The following ADAMTSL1 variants were observed in gnomAD, a reference collection of about 807,000 sequenced individuals.
The protein encoded by ADAMTSL1 is ADAMTS like 1, also known as ADAMTS-like protein 1.
In ADAMTSL1, 126 loss-of-function variants were observed where a neutral mutation model predicts 201.8. The observed-to-expected ratio is 0.62, with a 90% CI of 0.54 to 0.72. The LOEUF (loss-of-function observed/expected upper bound fraction) is 0.72. Ranked by LOEUF, ADAMTSL1 falls within the 30% of genes least tolerant of loss-of-function variation. The pLI is 0.00. For missense variants in ADAMTSL1, 2,679 were observed against 2,277.8 expected (o/e 1.18, Z -3.59); for synonymous variants, 1,121 against 903.4 (o/e 1.24, Z -4.32).
intron 7 of ADAMTSL1, among the ~76,000 whole-genome samples, chr9:18,647,066 A>C (rs916829373): frequency 1.2e-4 from 19 of 152,178 alleles, no homozygotes; most frequent in Non-Finnish European, 2.2e-4. Context: ...ACAATTTCAG[A>C]TCCTGTTATT....
At chr9:18,223,790 G>T (rs988062786) in intron 2 of ADAMTSL1, among the ~76,000 whole-genome samples, 19 of 151,656 alleles carry the variant, frequency 1.3e-4, no homozygotes, top group African/African-American at 4.4e-4. Context: ...ATGGTAGCTT[G>T]TTTCTTTATG....
At chr9:18,192,159 T>C (rs987992627) in intron 2 of ADAMTSL1, among the ~76,000 whole-genome samples, 7 of 152,192 alleles carry the variant, frequency 4.6e-5, no homozygotes, top group Non-Finnish European at 7.3e-5. Context: ...GTTGCTGACC[T>C]TTCTACTCTT....
At chr9:18,116,946 C>T (rs1425534480) in intron 1 of ADAMTSL1, among the ~76,000 whole-genome samples, 1 of 152,150 alleles carries the variant, frequency 6.6e-6, no homozygotes, top group Non-Finnish European at 1.5e-5. Flanking sequence ...CTACCTGTGG[C>T]ATTCTCTGTC....
chr9:18,045,265 C>T (rs540242188), intron 1 of ADAMTSL1, among the ~76,000 whole-genome samples: 1 of 152,100 alleles, frequency 6.6e-6, no homozygotes. Flanking sequence ...TTGAGAATCA[C>T]AAGATTTCTT....
In ADAMTSL1 at chr9:18,777,675, C is replaced by A. The variant is rs1434562880; in HGVS notation, c.3446C>A (p.Ser1149Tyr). 3 of 1,613,570 alleles carry A rather than the reference C, an allele frequency of 1.9e-6. No individual in the cohort carries two copies. Among genetic ancestry groups the A allele is most frequent in the Non-Finnish European group, 1.7e-6 (2 of 1,179,778 alleles). The change falls in exon 19 of 29, where the codon TCC becomes TAC. Residue 1149 changes from serine to tyrosine, a missense_variant. By Grantham distance (144) the Ser-to-Tyr change is moderately radical (BLOSUM62 -2). Coordinates refer to ENST00000380548, the MANE Select transcript of ADAMTSL1 (RefSeq NM_001040272.6). ...SGFSSSLRTS[S>Y]TGDAGGGSRR... is the part of the protein sequence containing the mutation. ...TTCAGCAGCTCCCTGCGGACCTCCT[C>A]CACCGGGGACGCCGGGGGAGGCTCT...
chr9:18,633,115 T>C (rs1826880258), intron 5 of ADAMTSL1, among the ~76,000 whole-genome samples: 1 of 152,182 alleles, frequency 6.6e-6, no homozygotes, highest in Non-Finnish European at 1.5e-5. Context: ...TGTGTGTGGG[T>C]CAGAAGACTG....
At chr9:18,464,362 A>T (rs1587288037) in intron 2 of ADAMTSL1, among the ~76,000 whole-genome samples, 2 of 152,374 alleles carry the variant, frequency 1.3e-5, no homozygotes, top group African/African-American at 4.8e-5. Context: ...AAAAACCTGT[A>T]CAAATGAAAT....
intron 1 of ADAMTSL1, among the ~76,000 whole-genome samples, chr9:17,943,948 A>T (rs2131354373): frequency 6.6e-6 from 1 of 152,074 alleles, no homozygotes; most frequent in East Asian, 1.9e-4. Flanking sequence ...GAGAGAGGGA[A>T]TAGGGAGAGA....
upstream of ADAMTSL1, among the ~76,000 whole-genome samples, chr9:18,469,591 C>A (rs142294907): frequency 2.0e-5 from 3 of 152,366 alleles, no homozygotes; most frequent in East Asian, 5.8e-4. Flanking sequence ...AAGTCATCTG[C>A]TGCTGAATGG....
chr9:18,907,138 G>C (rs1012106535), intron 28 of ADAMTSL1: 2 of 549,456 alleles, frequency 3.6e-6, no homozygotes, highest in Non-Finnish European at 6.4e-6. Flanking sequence ...CTCCATCCTG[G>C]CCCTGAGAGA....
At chr9:18,890,111 A>G (rs936977166) in intron 25 of ADAMTSL1, among the ~76,000 whole-genome samples, 80 of 152,142 alleles carry the variant, frequency 5.3e-4, no homozygotes, top group African/African-American at 1.9e-3. Flanking sequence ...TGTCTTTTCA[A>G]TCGAAGGGCT....
At chr9:18,297,555 A>G (rs1833522317) in intron 2 of ADAMTSL1, among the ~76,000 whole-genome samples, 1 of 152,172 alleles carries the variant, frequency 6.6e-6, no homozygotes, top group Admixed American at 6.5e-5. Flanking sequence ...GGTCAAATTC[A>G]AAAGGAATAT....
Position 18,182,535 on chromosome 9 carries a change from G to A in ADAMTSL1, c.207+18554G>A, listed in dbSNP as rs1037957009. ...TGTCTTGTGGCTCTGTTTATATAAG[G>A]AGAAATGCTCCCACAGTAATACTTT... On this transcript the variant is annotated intron_variant, in intron 2 of 29. Coordinates refer to the ADAMTSL1 transcript ENST00000680146. Among the ~76,000 whole-genome samples, 3 of 152,150 alleles carry A rather than the reference G, an allele frequency of 2.0e-5. No homozygotes were observed. The East Asian group carries it at 5.8e-4, about 29-fold the overall frequency.
At chr9:17,956,969 C>A (rs1827956582) in intron 1 of ADAMTSL1, among the ~76,000 whole-genome samples, 1 of 152,086 alleles carries the variant, frequency 6.6e-6, no homozygotes, top group South Asian at 2.1e-4. Context: ...TACTTTGGTG[C>A]CTGTTAATTG....
chr9:18,301,973 C>T (rs1413538777), intron 2 of ADAMTSL1, among the ~76,000 whole-genome samples: 3 of 152,218 alleles, frequency 2.0e-5, no homozygotes, highest in Non-Finnish European at 4.4e-5. Context: ...ACCTCAGACA[C>T]ATGATCATAG....
chr9:18,682,098 T>C (rs1830537524), intron 12 of ADAMTSL1, 139 bp downstream of exon 12: 3 of 1,015,056 alleles, frequency 3.0e-6, no homozygotes, highest in Non-Finnish European at 4.1e-6. Flanking sequence ...ACTAAAGGAA[T>C]TTGATTATCT....
chr9:18,876,300 A>ATGTGTGTGTGTG (rs1828143325), intron 23 of ADAMTSL1, among the ~76,000 whole-genome samples: 10 of 47,496 alleles, frequency 2.1e-4, no homozygotes, highest in African/African-American at 1.3e-4. Flanking sequence ...TTGCCTGAAT[A>ATGTGTGTGTGTG]CGTGTGTGTG....
At chr9:18,184,793 G>A (rs1457959959) in intron 2 of ADAMTSL1, among the ~76,000 whole-genome samples, 4 of 152,160 alleles carry the variant, frequency 2.6e-5, no homozygotes, top group Non-Finnish European at 4.4e-5. Context: ...GATTTCATCC[G>A]TATATCTAAA....
At chr9:18,043,723 T>C (rs1821534364) in intron 1 of ADAMTSL1, among the ~76,000 whole-genome samples, 1 of 152,110 alleles carries the variant, frequency 6.6e-6, no homozygotes, top group Non-Finnish European at 1.5e-5. Flanking sequence ...TAATGCTATA[T>C]GAGCAAATAT....
Sources: gnomAD v4.1 joint callset for allele counts (sites outside exome capture counted in the v4.1 genomes callset) on GRCh38, gnomAD v4.1.1 for gene constraint, MANE v1.5 for transcripts, NCBI Gene and HGNC (gene_info 2026-07-23, HGNC 2026-07-21) for gene names.